DOCK5: variants seen among roughly 807,000 people sequenced by gnomAD.
DOCK5 encodes the protein dedicator of cytokinesis protein 5.
A neutral mutation model predicts 251.8 loss-of-function variants in DOCK5; 142 were observed. The observed-to-expected ratio is 0.56, with a 90% CI of 0.49 to 0.65. The LOEUF is 0.65. Ranked by LOEUF, DOCK5 falls within the 30% of genes least tolerant of loss-of-function variation. The probability of loss-of-function intolerance (pLI) is 0.00; values close to 1 mark genes in which losing one functional copy is unlikely to be tolerated. For missense variants in DOCK5, 2,111 were observed against 2,312.3 expected (o/e 0.91, Z 1.79); for synonymous variants, 842 against 835.5 (o/e 1.01, Z -0.13).
chr8:25,232,964 AT>A lies in DOCK5; in HGVS notation c.44-10706del, dbSNP rs997533418. On this transcript the variant is annotated intron_variant, in intron 1 of 51. Transcript: ENST00000276440. ...AGTGATTTTTTTCTTAGCCTCGGGTATTTTCACACACATGCACTGACCAGTA... is the reference window on the plus strand; with the variant it reads ...AGTGATTTTTTTCTTAGCCTCGGGTATTTCACACACATGCACTGACCAGTA... Among the ~76,000 whole-genome samples the A allele has an allele frequency of 2.0e-4, 31 of 151,784 alleles. 1 individual carries two copies. Among genetic ancestry groups the A allele is most frequent in the Non-Finnish European group, 1.9e-4 (13 of 67,970 alleles).
intron 28 of DOCK5, among the ~76,000 whole-genome samples, chr8:25,359,846 T>C (rs1048946680): frequency 2.6e-5 from 4 of 152,276 alleles, no homozygotes; most frequent in Non-Finnish European, 5.9e-5. Context: ...TTTTGTTCTC[T>C]ATTGTTTTAA....
At chr8:25,372,838 G>A (rs762470117) in intron 35 of DOCK5, 120 bp downstream of exon 35, 203 of 956,318 alleles carry the variant, frequency 2.1e-4, no homozygotes, top group Non-Finnish European at 2.7e-4. Flanking sequence ...TTGTGGAGCC[G>A]GTGTCTTCCT....
At position 25,282,775 on chromosome 8, in the gene DOCK5, G is replaced by T. The variant is rs538115899; in HGVS notation, c.321+4110G>T. On this transcript the variant is annotated intron_variant, in intron 5 of 51. Coordinates refer to ENST00000276440, the MANE Select transcript of DOCK5 (RefSeq NM_024940.8). The stretch of plus-strand genomic sequence containing the variant: ...TGAGGTGGGAGGATTGCTTGAGCTC[G>T]GGTGGTTGAAGCTGCAGTGAGCCAT... Among the ~76,000 whole-genome samples, 260 of 145,634 alleles carry T rather than the reference G, an allele frequency of 1.8e-3. 1 individual carries two copies. The highest frequency in any genetic ancestry group is 6.2e-3 in the African/African-American group (247 of 39,670).
At chr8:25,288,264 A>G (rs964094609) in intron 5 of DOCK5, among the ~76,000 whole-genome samples, 2 of 152,184 alleles carry the variant, frequency 1.3e-5, no homozygotes, top group Non-Finnish European at 2.9e-5. Context: ...ATGAAGTGTC[A>G]GGGACCAACT....
At chr8:25,343,276 T>G (rs1800285060) in intron 25 of DOCK5, among the ~76,000 whole-genome samples, 1 of 152,098 alleles carries the variant, frequency 6.6e-6, no homozygotes, top group Non-Finnish European at 1.5e-5. Context: ...CCCAAAGTAC[T>G]GGGATTACAG....
chr8:25,350,802 C>T (rs1800453321), intron 26 of DOCK5, among the ~76,000 whole-genome samples: 1 of 152,172 alleles, frequency 6.6e-6, no homozygotes, highest in Admixed American at 6.5e-5. Flanking sequence ...TCCCGTCAGT[C>T]CAGGGCCCCA....
chr8:25,343,551 C>A (rs572010873), intron 25 of DOCK5, among the ~76,000 whole-genome samples: 1 of 152,182 alleles, frequency 6.6e-6, no homozygotes, highest in Admixed American at 6.5e-5. Context: ...AAAACAGGAA[C>A]CTCAGGAAGT....
At chr8:25,196,806 C>G (rs960844852) in intron 1 of DOCK5, among the ~76,000 whole-genome samples, 1 of 152,062 alleles carries the variant, frequency 6.6e-6, no homozygotes, top group Non-Finnish European at 1.5e-5. Context: ...TTAGTACTTT[C>G]AAAAGAATTA....
rs781404560 is a variant in DOCK5, at chr8:25,366,877, A to G, written c.3131A>G (p.Asn1044Ser). The G allele has an allele frequency of 1.2e-6, 2 of 1,613,620 alleles. No individual in the cohort carries two copies. The highest frequency in any genetic ancestry group is 2.7e-5 in the African/African-American group (2 of 74,912). The change falls in exon 31 of 52, where the codon AAC (asparagine) becomes AGC (serine). Residue 1044 changes from asparagine to serine, a missense_variant. Around this residue, in one of 3 missense-constraint regions of DOCK5, gnomAD observed 1,717 missense variants for 1,892.4 expected, o/e 0.91. Coordinates refer to ENST00000276440, the MANE Select transcript of DOCK5 (RefSeq NM_024940.8). ...ACAATTAATTTTGAACAGCTCTGGA[A>G]CAATTACTTCCATTTGGCAGTTGCA... ...DQASFELQLWNNYFHLAVAFL... is the reference protein window; with the variant it reads ...DQASFELQLWSNYFHLAVAFL...
chr8:25,307,041 A>G lies in DOCK5; in HGVS notation c.1050-1742A>G, dbSNP rs76070543. On this transcript the variant is annotated intron_variant, in intron 11 of 51. Coordinates refer to ENST00000276440, the MANE Select transcript of DOCK5 (RefSeq NM_024940.8). ...TGTCTTTAAACATATTTAAACATAG[A>G]AAAGGTAATGAGTTGGGCTGAGATG... 1.6e-3 allele frequency among the ~76,000 whole-genome samples: 240 copies of G among 152,366 alleles called. 6 individuals carry two copies. In the East Asian group the frequency reaches 0.034, roughly 21 times the overall value.
In DOCK5 at chr8:25,205,094, C is replaced by T. The variant is rs117182919; in HGVS notation, c.43+20143C>T. Among the ~76,000 whole-genome samples the T allele has an allele frequency of 4.0e-3, 609 of 152,106 alleles. 2 individuals carry two copies. The highest frequency in any genetic ancestry group is 0.027 in the Middle Eastern group (8 of 294). On this transcript the variant is annotated intron_variant, in intron 1 of 51. Transcript: ENST00000276440. ...GTTAATTAAAGTACAGACAGGGTCTCATTATGTTGGCCAGGTTGGTCTTGA... is the reference window on the plus strand; with the variant it reads ...GTTAATTAAAGTACAGACAGGGTCTTATTATGTTGGCCAGGTTGGTCTTGA...
intron 24 of DOCK5, among the ~76,000 whole-genome samples, 177 bp downstream of exon 24, chr8:25,341,986 G>A (rs1172666866): frequency 6.6e-6 from 1 of 152,132 alleles, no homozygotes; most frequent in Non-Finnish European, 1.5e-5. Flanking sequence ...CCCTGAGAGA[G>A]GTTTGCACTT....
intron 1 of DOCK5, among the ~76,000 whole-genome samples, chr8:25,229,587 T>C (rs774419932): frequency 6.6e-6 from 1 of 152,210 alleles, no homozygotes; most frequent in Non-Finnish European, 1.5e-5. Flanking sequence ...GAAATGAGAT[T>C]GAAAAGAATT....
At chr8:25,279,427 C>T (rs1195430431) in intron 5 of DOCK5, among the ~76,000 whole-genome samples, 1 of 151,704 alleles carries the variant, frequency 6.6e-6, no homozygotes, top group Non-Finnish European at 1.5e-5. Flanking sequence ...CTATTGGCAG[C>T]AAGTCTGCCT....
intron 1 of DOCK5, among the ~76,000 whole-genome samples, chr8:25,194,916 GGT>G (rs1455790001): frequency 1.4e-5 from 1 of 72,258 alleles, no homozygotes; most frequent in African/African-American, 3.9e-5. Flanking sequence ...CTACTGCAAC[GGT>G]ATTTTTTTTT....
At chr8:25,247,310 T>C (rs1397288907) in intron 2 of DOCK5, among the ~76,000 whole-genome samples, 1 of 152,172 alleles carries the variant, frequency 6.6e-6, no homozygotes, top group Non-Finnish European at 1.5e-5. Context: ...CAATAGTAAT[T>C]TTAAGGATGA....
chr8:25,343,413 C>T (rs538425387), intron 25 of DOCK5, among the ~76,000 whole-genome samples: 9 of 152,212 alleles, frequency 5.9e-5, no homozygotes, highest in Non-Finnish European at 1.2e-4. Context: ...CCTGGGAGAG[C>T]GGTTTTAAGG....
At chr8:25,372,337 G>A (rs1454196684) in intron 34 of DOCK5, among the ~76,000 whole-genome samples, 5 of 152,216 alleles carry the variant, frequency 3.3e-5, no homozygotes, top group African/African-American at 7.2e-5. Context: ...ACTGGAACTC[G>A]AGTCCACAAA....
chr8:25,408,972 T>A lies in DOCK5; in HGVS notation c.5404+32T>A, dbSNP rs777747317. ...TTTCCTGTATTCCTTATAGTCTTTTTACTAGGGAATGGAGTATGTTTATGC... is the reference window on the plus strand; with the variant it reads ...TTTCCTGTATTCCTTATAGTCTTTTAACTAGGGAATGGAGTATGTTTATGC... On this transcript the variant is annotated intron_variant, in intron 50 of 51. Coordinates refer to ENST00000276440, the MANE Select transcript of DOCK5 (RefSeq NM_024940.8). The A allele has an allele frequency of 1.9e-6, 3 of 1,613,766 alleles. No homozygotes were observed. The African/African-American group carries it at 4.0e-5, about 22-fold the overall frequency.
Sources: allele counts gnomAD v4.1 joint callset (sites outside exome capture counted in the v4.1 genomes callset), GRCh38; gene constraint gnomAD v4.1.1; regional missense constraint gnomAD v4.1.1; transcripts MANE v1.5; gene names NCBI Gene and HGNC (gene_info 2026-07-23, HGNC 2026-07-21).